The following KYNU variants were observed in gnomAD, a reference collection of about 807,000 sequenced individuals.
KYNU encodes the protein L-kynurenine hydrolase.
KYNU carries 54 observed loss-of-function variants against 59.2 expected under a neutral mutation model. The observed-to-expected ratio is 0.91, with a 90% confidence interval of 0.73 to 1.14. The LOEUF is 1.14. Ranked by LOEUF, KYNU falls within the 50% of genes most tolerant of loss-of-function variation. KYNU has a pLI of 0.00. For missense variants in KYNU, 567 were observed against 554.4 expected (o/e 1.02, Z -0.23); for synonymous variants, 177 against 192.0 (o/e 0.92, Z 0.65).
chr2:142,932,413 G>T (rs543854669), intron 4 of KYNU, among the ~76,000 whole-genome samples: 8 of 152,036 alleles, frequency 5.3e-5, no homozygotes, highest in African/African-American at 7.3e-5. Context: ...AGGGCTATTT[G>T]TTTCACTACC....
chr2:142,898,305 G>A (rs188652925), intron 2 of KYNU, among the ~76,000 whole-genome samples: 1 of 149,704 alleles, frequency 6.7e-6, no homozygotes, highest in East Asian at 2.0e-4. Context: ...CAAGATCCTA[G>A]CAATTGCTGC....
intron 2 of KYNU, among the ~76,000 whole-genome samples, chr2:142,886,217 G>A (rs761285510): frequency 6.6e-6 from 1 of 152,160 alleles, no homozygotes; most frequent in Non-Finnish European, 1.5e-5. Flanking sequence ...AAGGTTCCCA[G>A]GTTGAATGGA....
At chr2:142,975,232 A>G (rs1684849613) in intron 8 of KYNU, among the ~76,000 whole-genome samples, 1 of 152,158 alleles carries the variant, frequency 6.6e-6, no homozygotes, top group African/African-American at 2.4e-5. Context: ...GGCATGGCAG[A>G]AAAGGAGAGA....
Position 143,042,072 on chromosome 2 carries a change from T to C in KYNU, c.1298T>C (p.Ile433Thr). ...VVCDKRNPNGIRVAPVPLYNS... is the reference protein window; with the variant it reads ...VVCDKRNPNGTRVAPVPLYNS... The stretch of plus-strand genomic sequence containing the variant: ...TGTGACAAGCGGAATCCAAATGGCA[T>C]TCGAGTGGCTCCAGTTCCTCTCTAT... Residue 433 changes from isoleucine to threonine, a missense_variant, in exon 14 of 14, where the codon ATT (isoleucine) becomes ACT (threonine). Ile to Thr is a moderately conservative substitution (Grantham distance 89, BLOSUM62 -1). Transcript: ENST00000264170. 6.2e-7 allele frequency: 1 copy of C among 1,611,912 alleles called. No individual in the cohort carries two copies. The highest frequency in any genetic ancestry group is 8.5e-7 in the Non-Finnish European group (1 of 1,178,522).
At chr2:142,989,362 G>A in intron 10 of KYNU, 2 of 998,508 alleles carry the variant, frequency 2.0e-6, no homozygotes, top group Non-Finnish European at 2.4e-6. Flanking sequence ...AGACCAAAGA[G>A]TTTTTCACTG....
intron 10 of KYNU, among the ~76,000 whole-genome samples, chr2:143,006,833 T>G: frequency 6.6e-6 from 1 of 151,890 alleles, no homozygotes; most frequent in Non-Finnish European, 1.5e-5. Flanking sequence ...CAACAGACCC[T>G]GCAGCTGAGG....
intron 4 of KYNU, among the ~76,000 whole-genome samples, chr2:142,941,762 T>A (rs1232406255): frequency 6.6e-6 from 1 of 152,184 alleles, no homozygotes. Context: ...TCTTTATCGA[T>A]AAAGGAGCAT....
intron 2 of KYNU, among the ~76,000 whole-genome samples, chr2:142,906,812 C>T (rs983004281): frequency 5.3e-5 from 8 of 152,136 alleles, no homozygotes; most frequent in East Asian, 3.9e-4. Context: ...ACCATGATCT[C>T]GACCGGCCAA....
At chr2:143,040,012 G>C (rs1480033447) in intron 12 of KYNU, among the ~76,000 whole-genome samples, 1 of 152,046 alleles carries the variant, frequency 6.6e-6, no homozygotes, top group Admixed American at 6.6e-5. Context: ...GAAAGCCTAG[G>C]CAAAACTCTT....
chr2:142,884,381 A>C (rs944140506), intron 1 of KYNU, among the ~76,000 whole-genome samples: 2 of 152,226 alleles, frequency 1.3e-5, no homozygotes, highest in Non-Finnish European at 2.9e-5. Flanking sequence ...CATAGTTTTA[A>C]AACCATGATC....
rs766249586 is a variant in KYNU, at chr2:142,960,768, A to G, written c.727A>G (p.Lys243Glu). ...IPAITKAGQA[K>E]GCYVGFDLAH... ...TGCCATCACAAAAGCTGGACAAGCG[A>G]AGGTATGCACGCCATTTACTTCTTC... Residue 243 changes from lysine (K) to glutamate (E), a missense_variant and splice_region_variant, in exon 8 of 14, where the codon AAG (lysine) becomes GAG (glutamate). Lys to Glu is a moderately conservative substitution (Grantham distance 56, BLOSUM62 1). Coordinates refer to ENST00000264170, the MANE Select transcript of KYNU (RefSeq NM_003937.3). 6 of 1,614,008 alleles carry G rather than the reference A, an allele frequency of 3.7e-6. No individual in the cohort carries two copies. The highest frequency in any genetic ancestry group is 5.1e-6 in the Non-Finnish European group (6 of 1,179,964).
chr2:142,947,658 A>C (rs1683837745), intron 4 of KYNU: 1 of 158,790 alleles, frequency 6.3e-6, no homozygotes, highest in Non-Finnish European at 1.4e-5. Flanking sequence ...GGATTATTCC[A>C]AAGAAGATTG....
chr2:142,992,603 T>C (rs1285964194), intron 10 of KYNU, among the ~76,000 whole-genome samples: 1 of 151,946 alleles, frequency 6.6e-6, no homozygotes, highest in African/African-American at 2.4e-5. Context: ...TTAAGGACTT[T>C]GGATATGTCT....
At chr2:142,990,870 G>A (rs1392636946) in intron 10 of KYNU, among the ~76,000 whole-genome samples, 1 of 151,816 alleles carries the variant, frequency 6.6e-6, no homozygotes, top group Non-Finnish European at 1.5e-5. Flanking sequence ...GCCTTATTAA[G>A]GGCTTGAATT....
chr2:142,898,602 A>T (rs1681964131), intron 2 of KYNU, among the ~76,000 whole-genome samples: 1 of 152,212 alleles, frequency 6.6e-6, no homozygotes, highest in Non-Finnish European at 1.5e-5. Context: ...GTAATATTCC[A>T]AAAATAAACA....
intron 4 of KYNU, among the ~76,000 whole-genome samples, chr2:142,928,132 C>T (rs1285995571): frequency 6.6e-6 from 1 of 151,872 alleles, no homozygotes; most frequent in East Asian, 1.9e-4. Flanking sequence ...TGTAAAACAC[C>T]AATCATGTTT....
At chr2:142,951,035 G>A (rs1289651184) in intron 4 of KYNU, among the ~76,000 whole-genome samples, 1 of 152,182 alleles carries the variant, frequency 6.6e-6, no homozygotes, top group Non-Finnish European at 1.5e-5. Flanking sequence ...TATTGATTAA[G>A]TTCTCTGTCT....
chr2:142,992,069 C>T (rs1357811512), intron 10 of KYNU, among the ~76,000 whole-genome samples: 1 of 151,624 alleles, frequency 6.6e-6, no homozygotes, highest in Non-Finnish European at 1.5e-5. Flanking sequence ...TCAGATAATA[C>T]AGTGAAAATA....
intron 3 of KYNU, among the ~76,000 whole-genome samples, chr2:142,927,428 C>G (rs1463689305): frequency 1.4e-5 from 2 of 147,928 alleles, no homozygotes; most frequent in Non-Finnish European, 3.0e-5. Context: ...AACATATGAA[C>G]AATCTCCCCC....
Sources: allele counts gnomAD v4.1 joint callset (sites outside exome capture counted in the v4.1 genomes callset), GRCh38; gene constraint gnomAD v4.1.1; transcripts MANE v1.5; gene names NCBI Gene and HGNC (gene_info 2026-07-23, HGNC 2026-07-21).